The following ABLIM2 variants were observed in gnomAD, a reference collection of about 807,000 sequenced individuals.
ABLIM2 encodes actin binding LIM protein family member 2, also known as actin-binding LIM protein 2.
A neutral mutation model predicts 97.7 loss-of-function variants in ABLIM2; 53 were observed. The ratio of observed to expected loss-of-function variants is 0.54; its 90% CI spans 0.44 to 0.68. The LOEUF is 0.68. Ranked by LOEUF, ABLIM2 falls within the 30% of genes least tolerant of loss-of-function variation. The pLI is 0.00. For missense variants in ABLIM2, 835 were observed against 867.2 expected (o/e 0.96, Z 0.47); for synonymous variants, 361 against 345.8 (o/e 1.04, Z -0.49).
chr4:8,119,745 TCAAA>T (rs949968977), intron 1 of ABLIM2, among the ~76,000 whole-genome samples: 1 of 152,108 alleles, frequency 6.6e-6, no homozygotes, highest in African/African-American at 2.4e-5. Context: ...AAACAAACAA[TCAAA>T]CAAACAATTT....
At chr4:8,070,769 G>T (rs1036738061) in intron 6 of ABLIM2, among the ~76,000 whole-genome samples, 1 of 152,148 alleles carries the variant, frequency 6.6e-6, no homozygotes. Flanking sequence ...TGGTTGACTG[G>T]GGAAGGAAAG....
At position 7,992,005 on chromosome 4, in the gene ABLIM2, T is replaced by C. The variant is rs1417052412; in HGVS notation, c.1680+861A>G. ...TAGTGGCCTCGGTTGAGAGGTGAATTGCCTCTATTTATGAACAAATTTCCA... is the reference window on the plus strand; with the variant it reads ...TAGTGGCCTCGGTTGAGAGGTGAATCGCCTCTATTTATGAACAAATTTCCA... On this transcript the variant is annotated intron_variant, in intron 17 of 20. Coordinates refer to ENST00000447017, the MANE Select transcript of ABLIM2 (RefSeq NM_001130083.2). This position sits in a 1 kb window ranked among gnomAD's most constrained non-coding sequence, Gnocchi z 5.7. 6.6e-6 allele frequency among the ~76,000 whole-genome samples: 1 copy of C among 152,152 alleles called. No individual in the cohort carries two copies. The highest frequency in any genetic ancestry group is 1.5e-5 in the Non-Finnish European group (1 of 68,022).
At chr4:8,110,157 C>A (rs569843768) in intron 1 of ABLIM2, among the ~76,000 whole-genome samples, 231 of 152,372 alleles carry the variant, frequency 1.5e-3, no homozygotes, top group Non-Finnish European at 2.4e-3. Context: ...CAGTCCACAT[C>A]TGAGGCTCAG....
In ABLIM2 at chr4:8,071,177, G is replaced by A. The variant is rs552165770; in HGVS notation, c.675+6451C>T. Among the ~76,000 whole-genome samples the A allele has an allele frequency of 9.9e-5, 15 of 152,130 alleles. No individual in the cohort carries two copies. Among genetic ancestry groups the A allele is most frequent in the Middle Eastern group, 3.4e-3 (1 of 294 alleles). On this transcript the variant is annotated intron_variant, in intron 6 of 20. Coordinates refer to ENST00000447017, the MANE Select transcript of ABLIM2 (RefSeq NM_001130083.2). This position sits in a 1 kb window ranked among gnomAD's most constrained non-coding sequence, Gnocchi z 6.2. ...TCCCTCTGTGGGGGCAGCGCCATCC[G>A]TCCCCAGCAGCTGGCTCTGCCACAG...
Position 8,095,436 on chromosome 4 carries a change from C to T in ABLIM2, c.338+1663G>A, listed in dbSNP as rs1831060570. Among the ~76,000 whole-genome samples, 1 of 152,150 alleles carries T rather than the reference C, an allele frequency of 6.6e-6. No individual in the cohort carries two copies. The highest frequency in any genetic ancestry group is 1.5e-5 in the Non-Finnish European group (1 of 68,040). On this transcript the variant is annotated intron_variant, in intron 3 of 20. Coordinates refer to ENST00000447017, the MANE Select transcript of ABLIM2 (RefSeq NM_001130083.2). The surrounding 1 kb of genome is among the most constrained non-coding windows in gnomAD (Gnocchi z 4.7). ...GCAAGTTTTGATTGGACACTGAACA[C>T]TTATAAATTTTACGTTGTTGAATGC...
At chr4:8,045,938 G>C (rs1008730517) in intron 8 of ABLIM2, among the ~76,000 whole-genome samples, 15 of 152,062 alleles carry the variant, frequency 9.9e-5, no homozygotes, top group African/African-American at 3.6e-4. Flanking sequence ...CTCTAGCTTG[G>C]CCCCCGGCTC....
Position 7,992,888 on chromosome 4 carries a change from C to G in ABLIM2, c.1658G>C (p.Gly553Ala). Residue 553 changes from glycine (G) to alanine (A), a missense_variant, in exon 17 of 21, where the codon GGA (glycine) becomes GCA (alanine). Physicochemically the swap from Gly to Ala is moderately conservative, Grantham distance 60. Coordinates refer to ENST00000447017, the MANE Select transcript of ABLIM2 (RefSeq NM_001130083.2). The surrounding 1 kb of genome is among the most constrained non-coding windows in gnomAD (Gnocchi z 5.7). ...TACCCGCTGGTCCAAGCCATTCTTT[C>G]CATGTCCTGGGAGAGGGTCAGATTT... ...YSKSDPLPGH[G>A]KNGLDQRNAN... 1.2e-6 allele frequency: 2 copies of G among 1,613,214 alleles called. No individual in the cohort carries two copies. The highest frequency in any genetic ancestry group is 1.7e-6 in the Non-Finnish European group (2 of 1,179,738).
At position 7,966,963 on chromosome 4, in the gene ABLIM2, C is replaced by A. The variant is rs375688480; in HGVS notation, c.*27G>T. On this transcript the variant is annotated 3_prime_UTR_variant, in exon 21 of 21. Coordinates refer to ENST00000447017, the MANE Select transcript of ABLIM2 (RefSeq NM_001130083.2). ...GGGCCCCTGGCCTCGGCGCCCGGCACACACCAGTGGGGCAGGCTGGCAGCC... is the reference window on the plus strand; with the variant it reads ...GGGCCCCTGGCCTCGGCGCCCGGCAAACACCAGTGGGGCAGGCTGGCAGCC... 1 of 1,595,808 alleles carries A rather than the reference C, an allele frequency of 6.3e-7. No homozygotes were observed. Among genetic ancestry groups the A allele is most frequent in the Non-Finnish European group, 8.6e-7 (1 of 1,166,388 alleles).
rs183172851 is a variant in ABLIM2, at chr4:8,010,470, G to A, written c.1424-1368C>T. 8.6e-4 allele frequency: 851 copies of A among 985,836 alleles called. 2 individuals carry two copies. Among genetic ancestry groups the A allele is most frequent in the Middle Eastern group, 5.2e-3 (10 of 1,914 alleles). 61.1% of individuals were successfully genotyped at this position (985,836 alleles called of 1,614,324 possible). On this transcript the variant is annotated intron_variant, in intron 14 of 20. Coordinates refer to ENST00000447017, the MANE Select transcript of ABLIM2 (RefSeq NM_001130083.2). ...GGCTCGGGCCCGTCTGTCTTTTGCCGTACCCTGCCTCCTGCACCACCAAGG... is the reference window on the plus strand; with the variant it reads ...GGCTCGGGCCCGTCTGTCTTTTGCCATACCCTGCCTCCTGCACCACCAAGG...
chr4:8,010,625 G>A lies in ABLIM2; in HGVS notation c.1424-1523C>T, dbSNP rs1477553861. ...CACTAACATCTCGTTACTCTCAACG[G>A]CTACCTGTTTCTCCTTCTTCCAGGA... On this transcript the variant is annotated intron_variant, in intron 14 of 20. Coordinates refer to ENST00000447017, the MANE Select transcript of ABLIM2 (RefSeq NM_001130083.2). 7 of 961,972 alleles carry A rather than the reference G, an allele frequency of 7.3e-6. No homozygotes were observed. In the African/African-American group the frequency reaches 1.2e-4, roughly 17 times the overall value. The allele number at this position is 961,972 out of a possible 1,614,324, so 59.6% of individuals were successfully genotyped here. A position where few individuals can be genotyped will look rare whatever the true frequency, so the allele number is the denominator to read the frequency against.
Position 8,032,774 on chromosome 4 carries a change from A to G in ABLIM2, c.1048-2998T>C. The G allele has an allele frequency of 1.6e-6, 2 of 1,277,536 alleles. No homozygotes were observed. The highest frequency in any genetic ancestry group is 2.4e-5 in the South Asian group (2 of 82,832). 79.1% of individuals were successfully genotyped at this position (1,277,536 alleles called of 1,614,324 possible). A position where few individuals can be genotyped will look rare whatever the true frequency, so the allele number is the denominator to read the frequency against. ...TGACTGGCAGGCAACACAGGCGCAAACACCCACACAGAGCCCTGATCCTCC... is the reference window on the plus strand; with the variant it reads ...TGACTGGCAGGCAACACAGGCGCAAGCACCCACACAGAGCCCTGATCCTCC... On this transcript the variant is annotated intron_variant, in intron 10 of 20. Coordinates refer to ENST00000447017, the MANE Select transcript of ABLIM2 (RefSeq NM_001130083.2). This position sits in a 1 kb window ranked among gnomAD's most constrained non-coding sequence, Gnocchi z 4.3.
In ABLIM2 at chr4:8,023,661, CAT is replaced by C. The variant is rs1775472603; in HGVS notation, c.1268-3360_1268-3359del. On this transcript the variant is annotated intron_variant, in intron 12 of 20. Coordinates refer to ENST00000447017, the MANE Select transcript of ABLIM2 (RefSeq NM_001130083.2). This position sits in a 1 kb window ranked among gnomAD's most constrained non-coding sequence, Gnocchi z 5.7. ...ACTCTGTGTAGCCCACACTTGTCCA[CAT>C]GTCAGGAGTGGGAGTTACGACCCCC... Among the ~76,000 whole-genome samples the C allele has an allele frequency of 6.6e-6, 1 of 152,234 alleles. No homozygotes were observed. The highest frequency in any genetic ancestry group is 2.4e-5 in the African/African-American group (1 of 41,458).
At chr4:8,080,630 G>C (rs1451389881) in intron 5 of ABLIM2, 46 bp downstream of exon 5, 2 of 1,538,042 alleles carry the variant, frequency 1.3e-6, no homozygotes, top group Non-Finnish European at 1.8e-6. Flanking sequence ...CCACAGAGTA[G>C]GGAAGCCTGA....
chr4:8,139,984 T>C (rs997252679), intron 1 of ABLIM2, among the ~76,000 whole-genome samples: 6 of 151,866 alleles, frequency 4.0e-5, no homozygotes, highest in African/African-American at 1.5e-4. Context: ...CCATTATCCT[T>C]AGCAAACTAA....
chr4:8,097,702 T>C (rs1015952398), intron 2 of ABLIM2, among the ~76,000 whole-genome samples: 1 of 152,006 alleles, frequency 6.6e-6, no homozygotes, highest in Non-Finnish European at 1.5e-5. Context: ...TCACCTACTG[T>C]GTGCTAGACT....
chr4:8,005,250 G>C lies in ABLIM2; in HGVS notation c.1618+2809C>G. 2.0e-6 allele frequency: 1 copy of C among 510,878 alleles called. No homozygotes were observed. The highest frequency in any genetic ancestry group is 4.1e-6 in the Non-Finnish European group (1 of 244,266). 31.6% of individuals were successfully genotyped at this position (510,878 alleles called of 1,614,324 possible). On this transcript the variant is annotated intron_variant, in intron 16 of 20. Coordinates refer to ENST00000447017, the MANE Select transcript of ABLIM2 (RefSeq NM_001130083.2). The surrounding 1 kb of genome is among the most constrained non-coding windows in gnomAD (Gnocchi z 4.9). ...GCTCCCTGCACGCTTCTCCAGGTCA[G>C]GGGCTGCTCTTGTCTTCTCTGTCCC... is the stretch of plus-strand genomic sequence containing the variant.
chr4:8,158,778 C>T lies in ABLIM2; in HGVS notation c.-89G>A, dbSNP rs1293875762. The T allele has an allele frequency of 3.5e-4, 415 of 1,200,372 alleles. 1 individual carries two copies. Among genetic ancestry groups the T allele is most frequent in the Non-Finnish European group, 2.3e-5 (22 of 954,964 alleles). 74.4% of individuals were successfully genotyped at this position (1,200,372 alleles called of 1,614,324 possible). A position where few individuals can be genotyped will look rare whatever the true frequency, so the allele number is the denominator to read the frequency against. Reference sequence around the variant, plus strand: ...GTGCCGCGCCCGCGCTATCCTCCGCCCGCCCGCCGGCTCCGCGCCCGCTCC... The same window carrying T: ...GTGCCGCGCCCGCGCTATCCTCCGCTCGCCCGCCGGCTCCGCGCCCGCTCC... On this transcript the variant is annotated 5_prime_UTR_variant, in exon 1 of 21. Coordinates refer to ENST00000447017, the MANE Select transcript of ABLIM2 (RefSeq NM_001130083.2).
chr4:8,015,907 T>C lies in ABLIM2; in HGVS notation c.1423+3711A>G, dbSNP rs1768728318. Among the ~76,000 whole-genome samples, 1 of 152,148 alleles carries C rather than the reference T, an allele frequency of 6.6e-6. No homozygotes were observed. Among genetic ancestry groups the C allele is most frequent in the Non-Finnish European group, 1.5e-5 (1 of 68,042 alleles). On this transcript the variant is annotated intron_variant, in intron 14 of 20. Transcript: ENST00000447017. The surrounding 1 kb of genome is among the most constrained non-coding windows in gnomAD (Gnocchi z 4.6). ...TTGAGTTTTTCATCTTTTATGCATA[T>C]TTTCCTAAATTTTATATAGCAAATC... is the stretch of plus-strand genomic sequence containing the variant.
chr4:8,025,383 T>A (rs1776653285), intron 12 of ABLIM2, among the ~76,000 whole-genome samples: 1 of 151,840 alleles, frequency 6.6e-6, no homozygotes, highest in Admixed American at 6.6e-5. Flanking sequence ...GGAGGGGCTG[T>A]GGCATAGACG....
Sources: gnomAD v4.1 joint callset for allele counts (sites outside exome capture counted in the v4.1 genomes callset) on GRCh38, gnomAD v4.1.1 for gene constraint, Gnocchi (gnomAD v3.1) non-coding constraint, MANE v1.5 for transcripts, NCBI Gene and HGNC (gene_info 2026-07-23, HGNC 2026-07-21) for gene names.